Variants in COL1A2 observed in about 807,000 individuals in gnomAD.
COL1A2 encodes the protein collagen alpha-2(I) chain.
In COL1A2, 49 loss-of-function variants were observed where a neutral mutation model predicts 174.3. The ratio of observed to expected loss-of-function variants is 0.28; its 90% CI spans 0.22 to 0.36. The LOEUF (loss-of-function observed/expected upper bound fraction) is 0.36, where lower values mean the gene tolerates loss of function less well. Among genes scored for constraint, COL1A2 ranks in the 10% least tolerant of loss-of-function variants. The pLI is 1.00. For missense variants in COL1A2, 1,438 were observed against 1,822.7 expected (o/e 0.79, Z 3.84); for synonymous variants, 655 against 606.6 (o/e 1.08, Z -1.17).
At chr7:94,396,190 G>A (rs986103570) in intron 1 of COL1A2, among the ~76,000 whole-genome samples, 1 of 152,120 alleles carries the variant, frequency 6.6e-6, no homozygotes, top group African/African-American at 2.4e-5. Context: ...CTGCCAAAGT[G>A]CTAGACAAAG....
intron 40 of COL1A2, 53 bp from the exon 41 acceptor site, chr7:94,424,283 G>A (rs1181420941): frequency 6.8e-7 from 1 of 1,470,212 alleles, no homozygotes; most frequent in Non-Finnish European, 9.5e-7. Flanking sequence ...AAGCCAACCT[G>A]TGTTATCACC....
Position 94,404,558 on chromosome 7 carries a change from C to A in COL1A2, c.282C>A (p.Gly94=), listed in dbSNP as rs992225434. The A allele has an allele frequency of 1.2e-6, 2 of 1,613,220 alleles. No individual in the cohort carries two copies. ...TGATATATCTGCTTTCTTTACAGGG[C>A]TTAATGGGACCTAGAGGCCCACCTG... ...KGVGLGPGPM[G]LMGPRGPPGA... is the part of the protein sequence containing the mutation. The change falls in exon 7 of 52, where the codon GGC becomes GGA. Residue 94 remains glycine (G), a splice_region_variant and synonymous_variant. Coordinates refer to ENST00000297268, the MANE Select transcript of COL1A2 (RefSeq NM_000089.4).
In COL1A2 at chr7:94,423,091, G is replaced by T; in HGVS notation, c.2538G>T (p.Lys846Asn). Residue 846 changes from lysine to asparagine, a missense_variant, in exon 40 of 52, where the codon AAG becomes AAT. Physicochemically the swap from Lys to Asn is moderately conservative, Grantham distance 94. Transcript: ENST00000297268. ...GTCCCCCTGGCTTCGCTGGTGAGAA[G>T]GGTCCCTCTGGAGAGGCTGGTACTG... ...AVGPPGFAGE[K>N]GPSGEAGTAG... The T allele has an allele frequency of 6.2e-7, 1 of 1,614,142 alleles. No individual in the cohort carries two copies.
chr7:94,416,417 C>T lies in COL1A2; in HGVS notation c.1777C>T (p.Pro593Ser). ...TCACTTTTTTCAGGGGGAACGCGGT[C>T]CCCCAGGTGAGAGTGGTGCTGCCGG... is the stretch of plus-strand genomic sequence containing the variant. ...GPAGPRGERG[P>S]PGESGAAGPT... Residue 593 changes from proline (P) to serine (S), a missense_variant, in exon 31 of 52, where the codon CCC (proline) becomes TCC (serine). Physicochemically the swap from Pro to Ser is moderately conservative, Grantham distance 74 (BLOSUM62 -1). Around this residue, in one of 3 missense-constraint regions of COL1A2, gnomAD observed 867 missense variants for 1,213.7 expected, o/e 0.71. Coordinates refer to ENST00000297268, the MANE Select transcript of COL1A2 (RefSeq NM_000089.4). 1.3e-6 allele frequency: 2 copies of T among 1,577,726 alleles called. No homozygotes were observed. Among genetic ancestry groups the T allele is most frequent in the South Asian group, 1.2e-5 (1 of 85,686 alleles).
intron 41 of COL1A2, 124 bp from the exon 42 acceptor site, chr7:94,424,993 C>T (rs924427294): frequency 1.3e-6 from 1 of 791,262 alleles, no homozygotes; most frequent in African/African-American, 1.7e-5. Flanking sequence ...ATTGTGTGAC[C>T]CATTCACATT....
chr7:94,406,868 GAT>G (rs967824524), intron 12 of COL1A2, among the ~76,000 whole-genome samples: 2 of 152,184 alleles, frequency 1.3e-5, no homozygotes, highest in African/African-American at 4.8e-5. Flanking sequence ...GAGATAATGT[GAT>G]ATTAAAGTGA....
intron 6 of COL1A2, among the ~76,000 whole-genome samples, chr7:94,402,354 C>CT (rs1791704332): frequency 6.6e-6 from 1 of 151,990 alleles, no homozygotes; most frequent in Non-Finnish European, 1.5e-5. Flanking sequence ...GGAAATGTTT[C>CT]TTTTTCTGAA....
At position 94,413,874 on chromosome 7, in the gene COL1A2, C is replaced by A; in HGVS notation, c.1612-20C>A. ...GGTGACATACGTTGCTATTTATGCTCTCTTTCCTGTCACTTTCAGGGTGTT... is the reference window on the plus strand; with the variant it reads ...GGTGACATACGTTGCTATTTATGCTATCTTTCCTGTCACTTTCAGGGTGTT... On this transcript the variant is annotated intron_variant, in intron 27 of 51. Coordinates refer to ENST00000297268, the MANE Select transcript of COL1A2 (RefSeq NM_000089.4). 1.9e-6 allele frequency: 3 copies of A among 1,613,968 alleles called. No individual in the cohort carries two copies. The highest frequency in any genetic ancestry group is 2.5e-6 in the Non-Finnish European group (3 of 1,179,830).
chr7:94,420,450 TATCACATAATGAAGATTA>T lies in COL1A2; in HGVS notation c.2187+10_2187+27del, dbSNP rs772333929. ...ATGGATTTGCTGGTCCTGCTGTGAG[TATCACATAATGAAGATTA>T]ATCTGAAAACATCCTAAGTTGGGGA... On this transcript the variant is annotated splice_region_variant and intron_variant, in intron 36 of 51. Transcript: ENST00000297268. The T allele has an allele frequency of 6.2e-7, 1 of 1,614,184 alleles. No homozygotes were observed.
rs113338094 is a variant in COL1A2, at chr7:94,395,400, A to G, written c.70+299A>G. The G allele has an allele frequency of 2.7e-5, 11 of 404,184 alleles. 1 individual carries two copies. Among genetic ancestry groups the G allele is most frequent in the African/African-American group, 1.2e-4 (6 of 48,352 alleles). 25.0% of individuals were successfully genotyped at this position (404,184 alleles called of 1,614,324 possible). On this transcript the variant is annotated intron_variant, in intron 1 of 51. Coordinates refer to ENST00000297268, the MANE Select transcript of COL1A2 (RefSeq NM_000089.4). ...AGGGAGCGGAAGGTCTTTTTCCCTA[A>G]GGATGAGATATTAACGACCAATGTG... is the stretch of plus-strand genomic sequence containing the variant.
rs767408109 is a variant in COL1A2, at chr7:94,399,104, T to C, written c.132+20T>C. The C allele has an allele frequency of 1.8e-5, 29 of 1,611,804 alleles. No homozygotes were observed. The highest frequency in any genetic ancestry group is 8.9e-5 in the East Asian group (4 of 44,856). ...GAAAGGGTGTGTAATTTTTGAACTA[T>C]AAAGGGCTTCGTCCCGTATTTGAAT... On this transcript the variant is annotated intron_variant, in intron 4 of 51. Coordinates refer to ENST00000297268, the MANE Select transcript of COL1A2 (RefSeq NM_000089.4).
rs1476600255 is a variant in COL1A2, at chr7:94,416,401, T to G, written c.1765-4T>G. 2 of 1,565,000 alleles carry G rather than the reference T, an allele frequency of 1.3e-6. No homozygotes were observed. The highest frequency in any genetic ancestry group is 1.2e-5 in the South Asian group (1 of 84,812). The stretch of plus-strand genomic sequence containing the variant: ...GCAACACTTCTTCTAATCACTTTTT[T>G]CAGGGGGAACGCGGTCCCCCAGGTG... On this transcript the variant is annotated splice_polypyrimidine_tract_variant and splice_region_variant and intron_variant, in intron 30 of 51. Coordinates refer to ENST00000297268, the MANE Select transcript of COL1A2 (RefSeq NM_000089.4).
intron 1 of COL1A2, among the ~76,000 whole-genome samples, chr7:94,396,741 T>C (rs1791591877): frequency 6.6e-6 from 1 of 152,180 alleles, no homozygotes; most frequent in Admixed American, 6.5e-5. Flanking sequence ...TAACAGTAAT[T>C]CTCGTAAATT....
chr7:94,423,864 G>C (rs929668332), intron 40 of COL1A2: 1 of 183,758 alleles, frequency 5.4e-6, no homozygotes, highest in Admixed American at 5.4e-5. Context: ...TAAAGTGCTG[G>C]GATTACACAT....
intron 12 of COL1A2, among the ~76,000 whole-genome samples, chr7:94,407,385 G>T (rs1791825795): frequency 6.6e-6 from 1 of 150,474 alleles, no homozygotes; most frequent in Non-Finnish European, 1.5e-5. Flanking sequence ...CTCAGGATAA[G>T]AATATAGATT....
intron 6 of COL1A2, among the ~76,000 whole-genome samples, chr7:94,404,331 C>T (rs926287935): frequency 1.3e-5 from 2 of 152,168 alleles, no homozygotes; most frequent in Non-Finnish European, 2.9e-5. Context: ...CTATCTGCCC[C>T]GTCTAATTCT....
At chr7:94,423,260 C>G in intron 40 of COL1A2, 142 bp downstream of exon 40, 1 of 970,898 alleles carries the variant, frequency 1.0e-6, no homozygotes, top group Non-Finnish European at 1.6e-6. Flanking sequence ...GAAATCTGTC[C>G]AGCACACACT....
At chr7:94,415,164 A>C (rs1792012490) in intron 29 of COL1A2, 62 bp from the exon 30 acceptor site, 2 of 1,485,308 alleles carry the variant, frequency 1.3e-6, no homozygotes, top group East Asian at 4.5e-5. Flanking sequence ...CAAATATTTT[A>C]ATCATAAGTG....
intron 1 of COL1A2, among the ~76,000 whole-genome samples, chr7:94,396,390 A>G (rs1190604502): frequency 2.6e-5 from 4 of 151,916 alleles, no homozygotes; most frequent in African/African-American, 4.8e-5. Context: ...TTTAGTATAC[A>G]TACTGTGGAT....
Sources: allele counts gnomAD v4.1 joint callset (sites outside exome capture counted in the v4.1 genomes callset), GRCh38; gene constraint gnomAD v4.1.1; regional missense constraint gnomAD v4.1.1; transcripts MANE v1.5; gene names NCBI Gene and HGNC (gene_info 2026-07-23, HGNC 2026-07-21).